Variants in KLHDC4 observed in about 807,000 individuals in gnomAD.
KLHDC4 encodes the protein kelch domain-containing protein 4.
Under a neutral mutation model 62.4 loss-of-function variants are expected in KLHDC4, and 90 were observed. The observed-to-expected ratio is 1.44, with a 90% CI of 1.22 to 1.72. KLHDC4 has a LOEUF of 1.72. Among genes scored for constraint, KLHDC4 ranks in the 40% most tolerant of loss-of-function variants. KLHDC4 has a pLI of 0.00. For synonymous variants in KLHDC4, 386 were observed against 284.4 expected (o/e 1.36, Z -3.59); for missense variants, 1,025 against 699.7 (o/e 1.47, Z -5.25).
chr16:87,731,390 G>A (rs1160155457), intron 5 of KLHDC4, among the ~76,000 whole-genome samples: 2 of 151,678 alleles, frequency 1.3e-5, no homozygotes, highest in Admixed American at 6.6e-5. Flanking sequence ...TATCTTAATA[G>A]TAAGATAAAT....
At position 87,762,004 on chromosome 16, in the gene KLHDC4, G is replaced by T. The variant is rs781013344; in HGVS notation, c.136C>A (p.Leu46Ile). The T allele has an allele frequency of 6.2e-7, 1 of 1,614,050 alleles. No homozygotes were observed. The highest frequency in any genetic ancestry group is 8.5e-7 in the Non-Finnish European group (1 of 1,179,992). Residue 46 changes from leucine (L) to isoleucine (I), a missense_variant, in exon 2 of 12, where the codon CTC becomes ATC. Coordinates refer to ENST00000270583, the MANE Select transcript of KLHDC4 (RefSeq NM_017566.4). ...LEALIAHFQT[L>I]DAKRTQTVEL... ...ACAGTCTGAGTCCTCTTGGCATCGA[G>T]TGTCTGGAAATGGGCTATGAGCGCT...
intron 8 of KLHDC4, 151 bp from the exon 9 acceptor site, chr16:87,711,594 A>G: frequency 1.6e-6 from 1 of 644,266 alleles, no homozygotes; most frequent in East Asian, 2.7e-5. Flanking sequence ...CTCTGCAGAA[A>G]AACAGACACC....
At chr16:87,748,314 C>T (rs185682044) in intron 5 of KLHDC4, among the ~76,000 whole-genome samples, 267 of 152,342 alleles carry the variant, frequency 1.8e-3, no homozygotes, top group African/African-American at 6.2e-3. Context: ...TAGTCAATGA[C>T]ACATCGCTAT....
intron 4 of KLHDC4, among the ~76,000 whole-genome samples, chr16:87,753,917 G>A (rs1567814756): frequency 6.8e-6 from 1 of 147,618 alleles, no homozygotes; most frequent in African/African-American, 2.5e-5. Flanking sequence ...AGGTTGTAGT[G>A]AGATGAGATC....
chr16:87,764,845 A>G (rs1597451269), intron 1 of KLHDC4, among the ~76,000 whole-genome samples: 1 of 151,290 alleles, frequency 6.6e-6, no homozygotes, highest in African/African-American at 2.4e-5. Context: ...AAAAAAAAAA[A>G]AAAAAGAAAG....
chr16:87,726,890 T>G lies in KLHDC4; in HGVS notation c.634A>C (p.Asn212His). Residue 212 changes from asparagine (N) to histidine (H), a missense_variant, in exon 7 of 12, where the codon AAT (asparagine) becomes CAT (histidine). Coordinates refer to ENST00000270583, the MANE Select transcript of KLHDC4 (RefSeq NM_017566.4). The part of the protein sequence containing the change: ...YIYYNDVYAF[N>H]LDTFTWSKLS... The stretch of plus-strand genomic sequence containing the variant: ...TTGCTCCATGTGAAGGTGTCCAGAT[T>G]AAAGGCATACACGTCGTTGTAGTAG... 6.2e-7 allele frequency: 1 copy of G among 1,613,982 alleles called. No homozygotes were observed. The highest frequency in any genetic ancestry group is 8.5e-7 in the Non-Finnish European group (1 of 1,179,962).
chr16:87,725,757 A>G (rs573818464), intron 7 of KLHDC4, among the ~76,000 whole-genome samples: 3 of 152,048 alleles, frequency 2.0e-5, no homozygotes, highest in African/African-American at 7.2e-5. Context: ...AGGAGCACAC[A>G]CTCCACGAGC....
In KLHDC4 at chr16:87,708,090, G is replaced by A; in HGVS notation, c.*2-15C>T. The stretch of plus-strand genomic sequence containing the variant: ...CAGGGGCTCTTCTGATACGCAAGGA[G>A]GAAGGAATGAGAGAGAAACACATTC... On this transcript the variant is annotated splice_polypyrimidine_tract_variant and intron_variant, in intron 11 of 11. Transcript: ENST00000270583. 1.6e-6 allele frequency: 1 copy of A among 616,896 alleles called. No individual in the cohort carries two copies. The highest frequency in any genetic ancestry group is 2.5e-4 in the Middle Eastern group (1 of 3,928). 38.2% of individuals were successfully genotyped at this position (616,896 alleles called of 1,614,324 possible). A position where few individuals can be genotyped will look rare whatever the true frequency, so the allele number is the denominator to read the frequency against.
chr16:87,700,030 G>A (rs1284481405), exon 1 of KLHDC4: 1 of 152,412 alleles, frequency 6.6e-6, no homozygotes, highest in African/African-American at 2.4e-5. Context: ...GGACTGAAGA[G>A]ACCCTGAGGC....
At chr16:87,723,856 G>C (rs937150910) in intron 7 of KLHDC4, among the ~76,000 whole-genome samples, 3 of 151,504 alleles carry the variant, frequency 2.0e-5, no homozygotes, top group African/African-American at 7.3e-5. Context: ...TCTTTTTTTT[G>C]AGATGAGTCT....
At chr16:87,707,562 C>T (rs77016861), downstream of KLHDC4, among the ~76,000 whole-genome samples, 21,757 of 152,226 alleles carry the variant, frequency 0.14, 1,655 homozygotes, top group Middle Eastern at 0.2. Flanking sequence ...GCATCAGAGG[C>T]TGATCCCAAG....
Position 87,728,438 on chromosome 16 carries a change from T to G in KLHDC4, c.600-1514A>C, listed in dbSNP as rs888248550. On this transcript the variant is annotated intron_variant, in intron 6 of 11. Coordinates refer to ENST00000270583, the MANE Select transcript of KLHDC4 (RefSeq NM_017566.4). Reference sequence around the variant, plus strand: ...TTCTCTATAAATGCAGAATAGAGTTTAAGGAAAACTCCCAAGTTGGTATTT... The same window carrying G: ...TTCTCTATAAATGCAGAATAGAGTTGAAGGAAAACTCCCAAGTTGGTATTT... Among the ~76,000 whole-genome samples the G allele has an allele frequency of 7.3e-5, 11 of 151,344 alleles. No homozygotes were observed. The South Asian group carries it at 8.3e-4, about 11-fold the overall frequency.
chr16:87,735,552 CAATT>C lies in KLHDC4; in HGVS notation c.507-4912_507-4909del, dbSNP rs1353376998. 9.2e-5 allele frequency among the ~76,000 whole-genome samples: 14 copies of C among 152,322 alleles called. No individual in the cohort carries two copies. The East Asian group carries it at 2.7e-3, about 29-fold the overall frequency. On this transcript the variant is annotated intron_variant, in intron 5 of 11. Coordinates refer to ENST00000270583, the MANE Select transcript of KLHDC4 (RefSeq NM_017566.4). ...CATCCTCTGGCTGACACAACGGACTCAATTAACTTTTTGTGGCAGTAGCCAAATA... is the reference window on the plus strand; with the variant it reads ...CATCCTCTGGCTGACACAACGGACTCAACTTTTTGTGGCAGTAGCCAAATA...
intron 5 of KLHDC4, among the ~76,000 whole-genome samples, chr16:87,731,828 G>A (rs2040428941): frequency 6.6e-6 from 1 of 152,204 alleles, no homozygotes; most frequent in African/African-American, 2.4e-5. Context: ...ACAGCATGTG[G>A]TGCTCCCCAC....
intron 2 of KLHDC4, among the ~76,000 whole-genome samples, chr16:87,758,780 T>C (rs2045413643): frequency 6.6e-6 from 1 of 151,940 alleles, no homozygotes; most frequent in Admixed American, 6.6e-5. Flanking sequence ...TGGTCTAGAG[T>C]TTCTATTTGG....
chr16:87,765,970 G>C lies in KLHDC4; in HGVS notation c.-80C>G. 1 of 1,355,338 alleles carries C rather than the reference G, an allele frequency of 7.4e-7. No individual in the cohort carries two copies. Among genetic ancestry groups the C allele is most frequent in the South Asian group, 1.3e-5 (1 of 79,320 alleles). 84.0% of individuals were successfully genotyped at this position (1,355,338 alleles called of 1,614,324 possible). ...TCCGCTCGGAAACAGGTGCTCGTGG[G>C]GCGGAGCTCGGCGCACAGAAATGGA... is the stretch of plus-strand genomic sequence containing the variant. On this transcript the variant is annotated 5_prime_UTR_variant, in exon 1 of 12. Coordinates refer to ENST00000270583, the MANE Select transcript of KLHDC4 (RefSeq NM_017566.4).
At chr16:87,748,891 C>T in intron 4 of KLHDC4, 82 bp from the exon 5 acceptor site, 2 of 1,518,542 alleles carry the variant, frequency 1.3e-6, no homozygotes, top group East Asian at 4.6e-5. Flanking sequence ...GTGGTGAGCG[C>T]TTCAGTACTA....
At chr16:87,705,017 C>T (rs951471321), downstream of KLHDC4, among the ~76,000 whole-genome samples, 7 of 152,152 alleles carry the variant, frequency 4.6e-5, no homozygotes, top group East Asian at 1.9e-4. Flanking sequence ...CCAAGCGGGC[C>T]GGCCAGAGTG....
At chr16:87,708,587 A>T in intron 10 of KLHDC4, 121 bp from the exon 11 acceptor site, 2 of 560,408 alleles carry the variant, frequency 3.6e-6, no homozygotes. Context: ...ATAATGTGAA[A>T]CCTAACTCCT....
Sources: gnomAD v4.1 joint callset for allele counts (sites outside exome capture counted in the v4.1 genomes callset) on GRCh38, gnomAD v4.1.1 for gene constraint, MANE v1.5 for transcripts, NCBI Gene and HGNC (gene_info 2026-07-23, HGNC 2026-07-21) for gene names.